FBXL17: variants seen among roughly 807,000 people sequenced by gnomAD.
FBXL17 encodes F-box/LRR-repeat protein 17.
Under a neutral mutation model 66.2 loss-of-function variants are expected in FBXL17, and 22 were observed. The ratio of observed to expected loss-of-function variants is 0.33; its 90% CI spans 0.24 to 0.47. The LOEUF (loss-of-function observed/expected upper bound fraction) is 0.47. Among genes scored for constraint, FBXL17 ranks in the 20% least tolerant of loss-of-function variants. The pLI, the probability that FBXL17 is intolerant of heterozygous loss-of-function variation, is 1.00. For missense variants in FBXL17, 878 were observed against 948.2 expected (o/e 0.93, Z 0.97); for synonymous variants, 474 against 400.5 (o/e 1.18, Z -2.19).
intron 6 of FBXL17, among the ~76,000 whole-genome samples, chr5:108,043,901 C>G (rs1747145001): frequency 1.3e-5 from 2 of 152,164 alleles, no homozygotes; most frequent in African/African-American, 4.8e-5. Flanking sequence ...TAATTTCTGG[C>G]ATACAATCCC....
chr5:108,181,520 C>CTAA (rs1753002678), intron 6 of FBXL17, among the ~76,000 whole-genome samples: 1 of 152,260 alleles, frequency 6.6e-6, no homozygotes, highest in East Asian at 1.9e-4. Flanking sequence ...TGCTAACAGA[C>CTAA]ACCATAAAGT....
chr5:108,171,632 T>TA (rs1752608730), intron 6 of FBXL17, among the ~76,000 whole-genome samples: 1 of 152,178 alleles, frequency 6.6e-6, no homozygotes, highest in African/African-American at 2.4e-5. Flanking sequence ...TTAGTAGCTT[T>TA]AAAAAAACAA....
intron 7 of FBXL17, among the ~76,000 whole-genome samples, chr5:107,983,646 C>T (rs1752908651): frequency 6.6e-6 from 1 of 152,130 alleles, no homozygotes. Context: ...AAACCATATC[C>T]TCTCGGGTCC....
chr5:108,181,041 A>C (rs866747043), intron 6 of FBXL17, among the ~76,000 whole-genome samples: 2 of 152,184 alleles, frequency 1.3e-5, no homozygotes, highest in Admixed American at 6.6e-5. Flanking sequence ...GATTTTATTT[A>C]ATTCTTATTA....
At chr5:108,345,338 A>G (rs888489155) in intron 4 of FBXL17, among the ~76,000 whole-genome samples, 1 of 151,624 alleles carries the variant, frequency 6.6e-6, no homozygotes, top group Admixed American at 6.6e-5. Context: ...CTCCATCTCA[A>G]AAAGAAAAAA....
At chr5:108,047,593 T>C (rs1015496111) in intron 6 of FBXL17, among the ~76,000 whole-genome samples, 5 of 152,188 alleles carry the variant, frequency 3.3e-5, no homozygotes, top group African/African-American at 9.6e-5. Flanking sequence ...CAGGCAGTGC[T>C]TTTCCCTTGC....
rs974116630 is a variant in FBXL17, at chr5:108,381,314, G to T, written c.378C>A (p.Ala126=). 77 of 1,396,288 alleles carry T rather than the reference G, an allele frequency of 5.5e-5. No individual in the cohort carries two copies. Among genetic ancestry groups the T allele is most frequent in the Non-Finnish European group, 6.9e-5 (74 of 1,079,862 alleles). The allele number at this position is 1,396,288 out of a possible 1,614,324, so 86.5% of individuals were successfully genotyped here. The change falls in exon 1 of 9, where the codon GCC becomes GCA. Residue 126 remains alanine (A), a synonymous_variant. Coordinates refer to ENST00000542267, the MANE Select transcript of FBXL17 (RefSeq NM_001163315.3). The stretch of plus-strand genomic sequence containing the variant: ...AAGCCGAGGCGGCAGCGGCGGCGGC[G>T]GCGGCGGCCGAGGATAGCAGGAAGC... ...ARRFLLSSAA[A]AAAAAASASS...
chr5:108,081,359 C>T (rs944273820), intron 6 of FBXL17, among the ~76,000 whole-genome samples: 1 of 152,142 alleles, frequency 6.6e-6, no homozygotes, highest in Non-Finnish European at 1.5e-5. Flanking sequence ...TTTCATTTTA[C>T]AATGTGAACA....
At chr5:107,940,337 C>G (rs1751049832) in intron 7 of FBXL17, among the ~76,000 whole-genome samples, 1 of 151,912 alleles carries the variant, frequency 6.6e-6, no homozygotes, top group African/African-American at 2.4e-5. Context: ...GGCCTGAATC[C>G]AACTACCACA....
intron 8 of FBXL17, among the ~76,000 whole-genome samples, chr5:107,868,635 C>T (rs906122206): frequency 3.3e-5 from 5 of 152,224 alleles, no homozygotes; most frequent in African/African-American, 4.8e-5. Context: ...CCTCTTGTAG[C>T]TTATAACCTA....
intron 4 of FBXL17, among the ~76,000 whole-genome samples, chr5:108,230,725 AT>A (rs1020784316): frequency 4.8e-4 from 51 of 105,786 alleles, no homozygotes; most frequent in African/African-American, 2.0e-3. Context: ...ATGGAAATAA[AT>A]TTAAAAAAAA....
chr5:108,366,840 G>A (rs1348323400), intron 2 of FBXL17, among the ~76,000 whole-genome samples: 1 of 152,006 alleles, frequency 6.6e-6, no homozygotes, highest in Non-Finnish European at 1.5e-5. Flanking sequence ...ACAAATCCTC[G>A]TGAGCTTGCT....
At chr5:108,108,780 G>GTTTTTTTTTTTTTT (rs201883285) in intron 6 of FBXL17, among the ~76,000 whole-genome samples, 1 of 122,152 alleles carries the variant, frequency 8.2e-6, no homozygotes. Flanking sequence ...CTCACACTTT[G>GTTTTTTTTTTTTTT]TTTTTGTTTT....
At chr5:108,267,201 C>A (rs1037358921) in intron 4 of FBXL17, among the ~76,000 whole-genome samples, 5 of 151,668 alleles carry the variant, frequency 3.3e-5, no homozygotes, top group Non-Finnish European at 7.4e-5. Flanking sequence ...AATAAAGAAC[C>A]AGTTTCCCTA....
intron 7 of FBXL17, among the ~76,000 whole-genome samples, chr5:107,894,569 C>T (rs775318821): frequency 3.3e-5 from 5 of 152,034 alleles, no homozygotes; most frequent in Non-Finnish European, 5.9e-5. Context: ...TGTTCCAAAC[C>T]TGACTAACCA....
At chr5:108,284,041 A>G (rs571233568) in intron 4 of FBXL17, among the ~76,000 whole-genome samples, 3 of 151,930 alleles carry the variant, frequency 2.0e-5, no homozygotes, top group Non-Finnish European at 4.4e-5. Flanking sequence ...AAAATAATAG[A>G]TGTTGGCAAG....
intron 6 of FBXL17, among the ~76,000 whole-genome samples, chr5:108,106,280 T>C (rs1749792720): frequency 6.6e-6 from 1 of 152,214 alleles, no homozygotes; most frequent in African/African-American, 2.4e-5. Flanking sequence ...TTGGCAAGAA[T>C]GTGTAGAAAT....
At chr5:107,884,153 A>T (rs1418178679) in intron 7 of FBXL17, among the ~76,000 whole-genome samples, 1 of 152,240 alleles carries the variant, frequency 6.6e-6, no homozygotes, top group East Asian at 1.9e-4. Flanking sequence ...GAAGAGACAG[A>T]TGTGAAACAA....
At chr5:108,198,516 C>T (rs560256521) in intron 5 of FBXL17, among the ~76,000 whole-genome samples, 1 of 152,240 alleles carries the variant, frequency 6.6e-6, no homozygotes, top group South Asian at 2.1e-4. Flanking sequence ...AAAGTGCTCC[C>T]AGTCACCTGT....
Sources: gnomAD v4.1 joint callset for allele counts (sites outside exome capture counted in the v4.1 genomes callset) on GRCh38, gnomAD v4.1.1 for gene constraint, MANE v1.5 for transcripts, NCBI Gene and HGNC (gene_info 2026-07-23, HGNC 2026-07-21) for gene names.